PCDH11X: variants seen among roughly 807,000 people sequenced by gnomAD.
PCDH11X encodes the protein protocadherin-11 X-linked.
PCDH11X carries 18 observed loss-of-function variants against 53.3 expected under a neutral mutation model. The ratio of observed to expected loss-of-function variants is 0.34; its 90% CI spans 0.23 to 0.50. The LOEUF is 0.50. Ranked by LOEUF, PCDH11X falls within the 20% of genes least tolerant of loss-of-function variation. The pLI, the probability that PCDH11X is intolerant of heterozygous loss-of-function variation, is 0.98. For missense variants in PCDH11X, 570 were observed against 1,032.4 expected, an observed-to-expected ratio of 0.55 and a Z score of 6.14; for synonymous variants, 279 against 393.3, an observed-to-expected ratio of 0.71 and a Z score of 3.44.
intron 8 of PCDH11X, among the ~76,000 whole-genome samples, chrX:92,335,678 A>G (rs1478207379): frequency 1.8e-5 from 2 of 111,528 alleles, no homozygotes; most frequent in Non-Finnish European, 3.8e-5. Context: ...CACACTTACA[A>G]TGAGTAACAA....
At chrX:92,407,955 G>A (rs1444401482) in intron 9 of PCDH11X, among the ~76,000 whole-genome samples, 3 of 108,411 alleles carry the variant, frequency 2.8e-5, no homozygotes, top group Non-Finnish European at 5.7e-5. Context: ...GCATAATCTC[G>A]GCTCACTGAA....
intron 10 of PCDH11X, among the ~76,000 whole-genome samples, chrX:92,575,905 GTA>G (rs58574424): frequency 0.057 from 1,458 of 25,664 alleles, 64 homozygotes; most frequent in East Asian, 0.096. Context: ...TACCTGGTGT[GTA>G]TATATATATA....
chrX:91,806,227 A>C (rs1367791534), intron 1 of PCDH11X, among the ~76,000 whole-genome samples: 1 of 114,188 alleles, frequency 8.8e-6, no homozygotes, highest in Admixed American at 9.3e-5. Context: ...GAATAAAAAA[A>C]AATGAAAGTG....
In PCDH11X at chrX:91,835,530, T is replaced by C; in HGVS notation, c.26T>C (p.Ile9Thr). 1 of 1,211,387 alleles carries C rather than the reference T, an allele frequency of 8.3e-7. No individual in the cohort carries two copies. The highest frequency in any genetic ancestry group is 1.1e-6 in the Non-Finnish European group (1 of 895,497). The change falls in exon 5 of 11, where the codon ATT becomes ACT. Residue 9 changes from isoleucine (I) to threonine (T), a missense_variant. By Grantham distance (89) the Ile-to-Thr change is moderately conservative. Transcript: ENST00000682573. The stretch of plus-strand genomic sequence containing the variant: ...ATGGACTTGTTGTCCGGGACGTACA[T>C]TTTCGCGGTCCTGCTAGCATGCGTG... The part of the protein sequence containing the change: MDLLSGTY[I>T]FAVLLACVVF...
At chrX:92,026,718 G>T (rs756128795) in intron 6 of PCDH11X, among the ~76,000 whole-genome samples, 2 of 81,509 alleles carry the variant, frequency 2.5e-5, no homozygotes, top group Admixed American at 1.5e-4. Context: ...AAGGAGAAAA[G>T]AAAACTTTTA....
chrX:92,329,318 G>A (rs1450200889), intron 8 of PCDH11X, among the ~76,000 whole-genome samples: 1 of 111,212 alleles, frequency 9.0e-6, no homozygotes, highest in Admixed American at 9.6e-5. Flanking sequence ...AAAACCTATG[G>A]CCAGCATAAT....
intron 8 of PCDH11X, among the ~76,000 whole-genome samples, chrX:92,307,693 T>C (rs1286140116): frequency 9.5e-6 from 1 of 105,137 alleles, no homozygotes; most frequent in East Asian, 3.0e-4. Context: ...AAAAATGTGT[T>C]AAATCATTTT....
At chrX:92,463,975 A>G (rs1459808703) in intron 9 of PCDH11X, among the ~76,000 whole-genome samples, 2 of 111,801 alleles carry the variant, frequency 1.8e-5, no homozygotes, top group African/African-American at 6.5e-5. Context: ...TGGTAATTGC[A>G]TATTTTGTGA....
intron 10 of PCDH11X, among the ~76,000 whole-genome samples, chrX:92,613,464 C>T (rs902241366): frequency 9.1e-6 from 1 of 109,897 alleles, no homozygotes; most frequent in African/African-American, 3.3e-5. Flanking sequence ...GAGAAGTTCA[C>T]TGTTAGCCTG....
At chrX:92,482,218 T>A (rs1603341775) in intron 10 of PCDH11X, among the ~76,000 whole-genome samples, 1 of 112,029 alleles carries the variant, frequency 8.9e-6, no homozygotes, top group East Asian at 2.8e-4. Flanking sequence ...CACTGCCCCT[T>A]AGACATCGTA....
intron 6 of PCDH11X, among the ~76,000 whole-genome samples, chrX:92,084,975 A>G (rs758737943): frequency 1.7e-4 from 9 of 54,335 alleles, no homozygotes; most frequent in East Asian, 5.0e-3. Flanking sequence ...AAACTATTGG[A>G]AAAAAAAAAA....
chrX:92,132,677 A>G (rs1405490824), intron 6 of PCDH11X, among the ~76,000 whole-genome samples: 5 of 79,234 alleles, frequency 6.3e-5, no homozygotes, highest in African/African-American at 1.3e-4. Context: ...ATGTATATGT[A>G]TATATATATG....
At chrX:91,893,312 G>C (rs71216376) in intron 6 of PCDH11X, among the ~76,000 whole-genome samples, 1 of 108,185 alleles carries the variant, frequency 9.2e-6, no homozygotes, top group Non-Finnish European at 1.9e-5. Flanking sequence ...TATTGATCTG[G>C]ATATAGTCCA....
chrX:91,886,235 T>C (rs955616281), intron 6 of PCDH11X, among the ~76,000 whole-genome samples: 13 of 111,563 alleles, frequency 1.2e-4, no homozygotes, highest in African/African-American at 4.2e-4. Flanking sequence ...ACGGGAATAT[T>C]CTCAATGAAA....
At chrX:91,884,185 C>T (rs1307060839) in intron 6 of PCDH11X, among the ~76,000 whole-genome samples, 50 of 71,772 alleles carry the variant, frequency 7.0e-4, no homozygotes, top group African/African-American at 3.2e-3. Context: ...AGCAAGACTC[C>T]GTCTCAAAAA....
At chrX:92,073,266 T>C (rs149154409) in intron 6 of PCDH11X, among the ~76,000 whole-genome samples, 1 of 112,386 alleles carries the variant, frequency 8.9e-6, no homozygotes, top group Non-Finnish European at 1.9e-5. Flanking sequence ...TGTACTATGA[T>C]TGCTTACCTG....
At chrX:92,271,206 C>A (rs918391540) in intron 8 of PCDH11X, among the ~76,000 whole-genome samples, 1 of 112,068 alleles carries the variant, frequency 8.9e-6, no homozygotes, top group African/African-American at 3.2e-5. Flanking sequence ...ATGGAGATTT[C>A]CTTTATAGCT....
At chrX:92,383,936 C>T (rs991662566) in intron 8 of PCDH11X, among the ~76,000 whole-genome samples, 2 of 111,977 alleles carry the variant, frequency 1.8e-5, no homozygotes, top group Non-Finnish European at 3.8e-5. Context: ...ATTTACACTC[C>T]TACCAACAGT....
intron 6 of PCDH11X, among the ~76,000 whole-genome samples, chrX:92,191,728 T>A (rs780893542): frequency 3.7e-4 from 42 of 112,301 alleles, no homozygotes; most frequent in Non-Finnish European, 6.6e-4. Context: ...AAACTAATTT[T>A]AATTAAGAGC....
Sources: allele counts gnomAD v4.1 joint callset (sites outside exome capture counted in the v4.1 genomes callset), GRCh38; gene constraint gnomAD v4.1.1; transcripts MANE v1.5; gene names NCBI Gene and HGNC (gene_info 2026-07-23, HGNC 2026-07-21).